RASA3: variants seen among roughly 807,000 people sequenced by gnomAD.
RASA3 encodes ras GTPase-activating protein 3.
In RASA3, 73 loss-of-function variants were observed where a neutral mutation model predicts 110.0. That is an observed-to-expected ratio of 0.66 (90% CI 0.55 to 0.81). RASA3 has a LOEUF of 0.81. Ranked by LOEUF, RASA3 falls within the 30% of genes least tolerant of loss-of-function variation. RASA3 has a pLI of 0.00. For synonymous variants in RASA3, 500 were observed against 451.4 expected, an observed-to-expected ratio of 1.11 and a Z score of -1.37; for missense variants, 976 against 1,113.2, an observed-to-expected ratio of 0.88 and a Z score of 1.75.
intron 7 of RASA3, among the ~76,000 whole-genome samples, chr13:114,026,192 T>A (rs756721492): frequency 6.6e-6 from 1 of 152,212 alleles, no homozygotes; most frequent in Non-Finnish European, 1.5e-5. Flanking sequence ...CACCCGTGTG[T>A]GGCCGGGCAG....
At chr13:114,004,988 G>A (rs1041839549) in intron 18 of RASA3, among the ~76,000 whole-genome samples, 1 of 152,212 alleles carries the variant, frequency 6.6e-6, no homozygotes, top group African/African-American at 2.4e-5. Context: ...CGGAACTAGA[G>A]GTTGTTATCT....
intron 21 of RASA3, among the ~76,000 whole-genome samples, chr13:113,995,947 A>G (rs4990289): frequency 0.047 from 336 of 7,186 alleles, 110 homozygotes; most frequent in East Asian, 0.15. Context: ...GGGCCCGGCT[A>G]ATGGGGGGCC....
rs180997822 is a variant in RASA3 at position 114,010,671 on chromosome 13, G to A, written c.1590+500C>T. 2.5e-3 allele frequency among the ~76,000 whole-genome samples: 173 copies of A among 70,156 alleles called. 9 individuals carry two copies. The East Asian group carries it at 0.03, about 12-fold the overall frequency. The allele number at this position is 70,156 out of a possible 152,430, so 46.0% of individuals were successfully genotyped here. On this transcript the variant is annotated intron_variant, in intron 16 of 23. Transcript: ENST00000334062. ...CCACGTGGGGAGGAGGCGGCTGCGT[G>A]GGGAGGGAAGTGGGGAGGAGGGGGC...
At chr13:114,055,993 C>T (rs1309696748) in intron 2 of RASA3, among the ~76,000 whole-genome samples, 2 of 152,248 alleles carry the variant, frequency 1.3e-5, no homozygotes, top group Non-Finnish European at 2.9e-5. Flanking sequence ...CCTCCATTGG[C>T]ACAAACTCCA....
chr13:113,999,146 G>A (rs1408744433), intron 20 of RASA3, among the ~76,000 whole-genome samples: 1 of 97,584 alleles, frequency 1.0e-5, no homozygotes, highest in African/African-American at 3.6e-5. Flanking sequence ...GGCCACACAC[G>A]GGTCTGGGTC....
chr13:114,032,203 G>T (rs1259868426), intron 4 of RASA3, among the ~76,000 whole-genome samples: 1 of 152,034 alleles, frequency 6.6e-6, no homozygotes, highest in Non-Finnish European at 1.5e-5. Flanking sequence ...AATGCAGGGG[G>T]GATCACAGGC....
At chr13:114,094,867 C>A (rs369578188) in intron 1 of RASA3, among the ~76,000 whole-genome samples, 9 of 152,300 alleles carry the variant, frequency 5.9e-5, no homozygotes, top group African/African-American at 2.2e-4. Context: ...GAGACCGAGG[C>A]GCGGGCTCCC....
At chr13:114,021,219 C>T (rs1201578972) in intron 9 of RASA3, among the ~76,000 whole-genome samples, 185 bp downstream of exon 9, 1 of 152,234 alleles carries the variant, frequency 6.6e-6, no homozygotes, top group East Asian at 1.9e-4. Context: ...CCATTTCTCA[C>T]CTGCTGTGGG....
intron 19 of RASA3, among the ~76,000 whole-genome samples, chr13:113,999,911 C>G (rs186167895): frequency 6.5e-5 from 1 of 15,392 alleles, no homozygotes; most frequent in Non-Finnish European, 1.0e-4. Flanking sequence ...GGGTCTCTAC[C>G]GGGGGGGGTC....
intron 2 of RASA3, among the ~76,000 whole-genome samples, chr13:114,068,762 T>C (rs2079501198): frequency 1.3e-5 from 2 of 152,332 alleles, no homozygotes; most frequent in Non-Finnish European, 2.9e-5. Context: ...AGGTATGGAT[T>C]GTGAACACAG....
At chr13:114,013,900 C>CTCTG (rs1566479053) in intron 14 of RASA3, among the ~76,000 whole-genome samples, 2 of 116,222 alleles carry the variant, frequency 1.7e-5, no homozygotes, top group African/African-American at 7.2e-5. Flanking sequence ...CTCTTTTTCT[C>CTCTG]TCTTTCTCTG....
intron 13 of RASA3, 78 bp from the exon 14 acceptor site, chr13:114,015,410 G>A (rs1594325798): frequency 3.2e-6 from 5 of 1,570,208 alleles, no homozygotes; most frequent in Admixed American, 1.7e-5. Context: ...CGCCCAGGGA[G>A]GGGCGCGTGG....
chr13:114,075,046 G>T (rs78928081), intron 1 of RASA3, among the ~76,000 whole-genome samples: 1 of 152,154 alleles, frequency 6.6e-6, no homozygotes, highest in East Asian at 1.9e-4. Context: ...CTCTAAAGAC[G>T]CCTGGCAGTG....
chr13:114,077,268 G>A (rs1162218557), intron 1 of RASA3, among the ~76,000 whole-genome samples: 1 of 152,160 alleles, frequency 6.6e-6, no homozygotes, highest in Non-Finnish European at 1.5e-5. Flanking sequence ...CTGCGCTGGC[G>A]CCAACACACC....
At chr13:114,097,212 C>G (rs1260670853) in intron 1 of RASA3, among the ~76,000 whole-genome samples, 1 of 152,228 alleles carries the variant, frequency 6.6e-6, no homozygotes, top group Non-Finnish European at 1.5e-5. Context: ...GGGCGAGAGG[C>G]CTGGGTGGTC....
In RASA3 at chr13:114,016,193, C is replaced by A; in HGVS notation, c.1281+4G>T. 1 of 1,578,992 alleles carries A rather than the reference C, an allele frequency of 6.3e-7. No homozygotes were observed. The highest frequency in any genetic ancestry group is 1.1e-5 in the South Asian group (1 of 90,310). On this transcript the variant is annotated splice_donor_region_variant and intron_variant, in intron 13 of 23. Transcript: ENST00000334062. ...GCTTTGGTTGGTTCATGAACAAAAC[C>A]TACCATGTTGTTTTCAAGGTTTTCT... is the stretch of plus-strand genomic sequence containing the variant.
chr13:114,071,088 CTCTT>C (rs1309832019), intron 2 of RASA3, among the ~76,000 whole-genome samples: 1 of 152,254 alleles, frequency 6.6e-6, no homozygotes, highest in African/African-American at 2.4e-5. Flanking sequence ...ACATGGGTTT[CTCTT>C]TCTTTGCTAT....
intron 1 of RASA3, among the ~76,000 whole-genome samples, chr13:114,075,190 G>A (rs2079648133): frequency 6.6e-6 from 1 of 152,164 alleles, no homozygotes; most frequent in South Asian, 2.1e-4. Flanking sequence ...TCAAAAACGG[G>A]AGCAGAGTAG....
intron 18 of RASA3, among the ~76,000 whole-genome samples, chr13:114,001,322 G>T (rs1000851773): frequency 6.7e-6 from 1 of 148,670 alleles, no homozygotes; most frequent in Non-Finnish European, 1.5e-5. Context: ...CTGCGGCCGC[G>T]GACCTGGGAT....
Sources: gnomAD v4.1 joint callset for allele counts (sites outside exome capture counted in the v4.1 genomes callset) on GRCh38, gnomAD v4.1.1 for gene constraint, MANE v1.5 for transcripts, NCBI Gene and HGNC (gene_info 2026-07-23, HGNC 2026-07-21) for gene names.